Variants in REDIC1 observed in about 807,000 individuals in gnomAD.
REDIC1 encodes HEI10 Interacting Protein 1.
the REDIC1 span, among the ~76,000 whole-genome samples, chr12:39,886,276 G>C: frequency 6.6e-6 from 1 of 152,222 alleles, no homozygotes; most frequent in East Asian, 1.9e-4. Context: ...CTTGATGCGG[G>C]CATATTGACA....
At chr12:39,676,412 T>C in the REDIC1 span, among the ~76,000 whole-genome samples, 4 of 152,048 alleles carry the variant, frequency 2.6e-5, no homozygotes, top group African/African-American at 9.7e-5. Context: ...GAAAAACTAA[T>C]TAATAAAAAA....
At chr12:39,727,893 G>A in the REDIC1 span, among the ~76,000 whole-genome samples, 1 of 151,968 alleles carries the variant, frequency 6.6e-6, no homozygotes, top group Non-Finnish European at 1.5e-5. Flanking sequence ...GTATTCCTAG[G>A]TATTTTATTA....
At chr12:39,743,382 C>A in the REDIC1 span, among the ~76,000 whole-genome samples, 1 of 152,136 alleles carries the variant, frequency 6.6e-6, no homozygotes, top group South Asian at 2.1e-4. Flanking sequence ...TCCCCTCATA[C>A]CTTACCACCA....
the REDIC1 span, among the ~76,000 whole-genome samples, chr12:39,705,516 A>G: frequency 6.6e-6 from 1 of 152,154 alleles, no homozygotes; most frequent in Non-Finnish European, 1.5e-5. Context: ...AAGAAAAGAA[A>G]ACTACTGATC....
At chr12:39,761,155 C>T in the REDIC1 span, among the ~76,000 whole-genome samples, 1 of 151,874 alleles carries the variant, frequency 6.6e-6, no homozygotes, top group East Asian at 1.9e-4. Flanking sequence ...GGATATCAGA[C>T]TGGGAGTGGG....
At chr12:39,846,818 C>A in the REDIC1 span, among the ~76,000 whole-genome samples, 2 of 152,086 alleles carry the variant, frequency 1.3e-5, no homozygotes, top group East Asian at 3.9e-4. Flanking sequence ...CTATCTCAGT[C>A]TTTCTGAAGG....
chr12:39,646,520 T>G, the REDIC1 span: 1 of 1,454,772 alleles, frequency 6.9e-7, no homozygotes, highest in South Asian at 1.4e-5. Context: ...AACAACACTT[T>G]TACTCACTCG....
At chr12:39,793,040 A>T in the REDIC1 span, among the ~76,000 whole-genome samples, 1 of 152,288 alleles carries the variant, frequency 6.6e-6, no homozygotes, top group East Asian at 1.9e-4. Context: ...TCATAAAGAT[A>T]TAAAACTATA....
chr12:39,842,473 T>A, the REDIC1 span, among the ~76,000 whole-genome samples: 2 of 152,054 alleles, frequency 1.3e-5, no homozygotes, highest in African/African-American at 4.8e-5. Flanking sequence ...GTGACTAACA[T>A]GTGACACTCT....
chr12:39,672,179 G>C, the REDIC1 span, among the ~76,000 whole-genome samples: 2 of 152,130 alleles, frequency 1.3e-5, no homozygotes, highest in Non-Finnish European at 2.9e-5. Context: ...GAATTCCTGG[G>C]GCCTCAAGCA....
chr12:39,642,035 T>G, the REDIC1 span, among the ~76,000 whole-genome samples: 1 of 151,840 alleles, frequency 6.6e-6, no homozygotes, highest in Non-Finnish European at 1.5e-5. Flanking sequence ...TTTATTTCTA[T>G]CTCTCTGGTT....
chr12:39,727,590 G>T, the REDIC1 span, among the ~76,000 whole-genome samples: 1 of 151,800 alleles, frequency 6.6e-6, no homozygotes, highest in Non-Finnish European at 1.5e-5. Context: ...GCTTAGGGTT[G>T]TCTTGGCTAT....
chr12:39,777,381 G>T, the REDIC1 span, among the ~76,000 whole-genome samples: 1 of 151,916 alleles, frequency 6.6e-6, no homozygotes, highest in Non-Finnish European at 1.5e-5. Context: ...TAAAATTATA[G>T]AAATCTACAG....
the REDIC1 span, among the ~76,000 whole-genome samples, chr12:39,692,359 G>T: frequency 6.6e-6 from 1 of 151,724 alleles, no homozygotes; most frequent in Non-Finnish European, 1.5e-5. Flanking sequence ...TACTCCCTAG[G>T]TAGCTTAAGA....
the REDIC1 span, among the ~76,000 whole-genome samples, chr12:39,737,894 TGTG>T: frequency 6.6e-6 from 1 of 152,220 alleles, no homozygotes; most frequent in Non-Finnish European, 1.5e-5. Context: ...CATTCCATCC[TGTG>T]GTTCACATTT....
chr12:39,893,404 A>G, the REDIC1 span, among the ~76,000 whole-genome samples: 2 of 152,180 alleles, frequency 1.3e-5, no homozygotes, highest in Non-Finnish European at 2.9e-5. Context: ...GGTTCAAGCA[A>G]TTCTCCTGCC....
the REDIC1 span, among the ~76,000 whole-genome samples, chr12:39,715,148 CTAG>C: frequency 6.6e-6 from 1 of 152,044 alleles, no homozygotes; most frequent in East Asian, 1.9e-4. Context: ...AAGCCAATGT[CTAG>C]AAGGGTTTTT....
chr12:39,650,479 G>A, the REDIC1 span: 2 of 1,283,850 alleles, frequency 1.6e-6, no homozygotes, highest in East Asian at 3.0e-5. This position sits in a 1 kb window ranked among gnomAD's most constrained non-coding sequence, Gnocchi z 4.3. Context: ...AATACTTCTA[G>A]AAAAAAATTC....
chr12:39,755,702 T>C, the REDIC1 span: 5 of 152,074 alleles, frequency 3.3e-5, no homozygotes, highest in South Asian at 2.1e-4. Context: ...CACATGAACT[T>C]AACTGTCTAA....
Sources: allele counts gnomAD v4.1 joint callset (sites outside exome capture counted in the v4.1 genomes callset), GRCh38; gene constraint gnomAD v4.1.1; non-coding constraint Gnocchi (gnomAD v3.1); transcripts MANE v1.5; gene names NCBI Gene and HGNC (gene_info 2026-07-23, HGNC 2026-07-21).